The following KCNT1 variants were observed in gnomAD, a reference collection of about 807,000 sequenced individuals.
KCNT1 encodes potassium channel subfamily T member 1.
KCNT1 carries 78 observed loss-of-function variants against 147.8 expected under a neutral mutation model. That is an observed-to-expected ratio of 0.53 (90% confidence interval 0.44 to 0.64). The LOEUF is 0.64. Among genes scored for constraint, KCNT1 ranks in the 30% least tolerant of loss-of-function variants. The probability of loss-of-function intolerance (pLI) is 0.00; values close to 1 mark genes in which losing one functional copy is unlikely to be tolerated. For synonymous variants in KCNT1, 867 were observed against 748.8 expected (o/e 1.16, Z -2.58); for missense variants, 1,419 against 1,750.3 (o/e 0.81, Z 3.38).
chr9:135,780,414 G>C (rs754862898), intron 24 of KCNT1, among the ~76,000 whole-genome samples: 27 of 152,200 alleles, frequency 1.8e-4, no homozygotes, highest in Admixed American at 3.9e-4. Context: ...GGACACACAC[G>C]GGCACTCCCT....
At chr9:135,762,643 G>A (rs765407499) in intron 11 of KCNT1, among the ~76,000 whole-genome samples, 5 of 152,154 alleles carry the variant, frequency 3.3e-5, no homozygotes, top group East Asian at 1.9e-4. Context: ...CCAGCTCCTC[G>A]GGAGGCTGAG....
At chr9:135,747,359 G>C (rs943357689) in intron 2 of KCNT1, among the ~76,000 whole-genome samples, 29 of 152,064 alleles carry the variant, frequency 1.9e-4, no homozygotes, top group African/African-American at 7.0e-4. Context: ...GGGGAGGGTG[G>C]GTTCCTAAGC....
intron 15 of KCNT1, among the ~76,000 whole-genome samples, chr9:135,769,216 AGGGCACGT>A (rs1225790413): frequency 1.6e-5 from 2 of 122,264 alleles, no homozygotes; most frequent in South Asian, 2.8e-4. Context: ...CATCTGGGGC[AGGGCACGT>A]GTGCACGTGT....
intron 2 of KCNT1, among the ~76,000 whole-genome samples, chr9:135,727,050 TCC>T (rs1836204062): frequency 4.3e-5 from 1 of 23,450 alleles, no homozygotes; most frequent in Non-Finnish European, 8.7e-5. Context: ...TCTCTCTCTC[TCC>T]CTCTCTCCCT....
chr9:135,768,240 C>CGGGGGGGG (rs751932639), intron 13 of KCNT1, among the ~76,000 whole-genome samples: 1 of 5,080 alleles, frequency 2.0e-4, no homozygotes, highest in Non-Finnish European at 3.0e-4. Context: ...AGGATGCCTG[C>CGGGGGGGG]GGGGGGGGGG....
At chr9:135,702,920 T>G in intron 1 of KCNT1, 1 of 154,160 alleles carries the variant, frequency 6.5e-6, no homozygotes, top group African/African-American at 2.4e-5. Flanking sequence ...TCACTCCTCG[T>G]TCCCCGCTGG....
intron 7 of KCNT1, 36 bp downstream of exon 7, chr9:135,756,968 T>TGGGCC: frequency 3.5e-6 from 3 of 852,546 alleles, no homozygotes; most frequent in Non-Finnish European, 4.8e-6. Flanking sequence ...TCACAGGGGG[T>TGGGCC]CCCCACCCTC....
chr9:135,781,367 C>T (rs1006971848), intron 24 of KCNT1, among the ~76,000 whole-genome samples: 1 of 152,132 alleles, frequency 6.6e-6, no homozygotes, highest in Non-Finnish European at 1.5e-5. Flanking sequence ...GTGCCGTGGA[C>T]CACCTGACCC....
intron 2 of KCNT1, among the ~76,000 whole-genome samples, chr9:135,735,575 G>A (rs774112653): frequency 2.0e-5 from 3 of 152,196 alleles, no homozygotes; most frequent in Non-Finnish European, 4.4e-5. Flanking sequence ...GCCGGCTCCG[G>A]GAGGGCTTCT....
At chr9:135,726,952 CCATT>C (rs1207445487) in intron 2 of KCNT1, among the ~76,000 whole-genome samples, 46 of 2,538 alleles carry the variant, frequency 0.018, no homozygotes, top group South Asian at 0.026. Flanking sequence ...CCTCTCTTTC[CCATT>C]CTCCCTCTCC....
intron 1 of KCNT1, among the ~76,000 whole-genome samples, chr9:135,707,669 G>A (rs979837325): frequency 3.9e-5 from 6 of 152,114 alleles, no homozygotes; most frequent in African/African-American, 7.2e-5. Flanking sequence ...AGAAGGGCTC[G>A]CCTGGCGTCT....
chr9:135,770,612 G>A (rs1354562658), intron 17 of KCNT1, among the ~76,000 whole-genome samples, 165 bp downstream of exon 17: 1 of 152,182 alleles, frequency 6.6e-6, no homozygotes, highest in Non-Finnish European at 1.5e-5. Flanking sequence ...GCAGGACTGG[G>A]CTCCGGGTCC....
intron 1 of KCNT1, among the ~76,000 whole-genome samples, chr9:135,704,362 C>T (rs893291864): frequency 2.6e-5 from 4 of 152,232 alleles, no homozygotes; most frequent in East Asian, 1.9e-4. Context: ...CCCAGCTCCA[C>T]GCTAGTGGTG....
intron 2 of KCNT1, among the ~76,000 whole-genome samples, chr9:135,722,289 C>T (rs980723640): frequency 6.6e-6 from 1 of 152,196 alleles, no homozygotes; most frequent in Non-Finnish European, 1.5e-5. Context: ...TCCCCCGTCC[C>T]ACCCCTGGGG....
chr9:135,735,164 G>A (rs1830284045), intron 2 of KCNT1, among the ~76,000 whole-genome samples: 1 of 152,248 alleles, frequency 6.6e-6, no homozygotes, highest in Non-Finnish European at 1.5e-5. Context: ...AGCCACGACA[G>A]GCAGCCAGGG....
Position 135,774,663 on chromosome 9 carries a change from G to A in KCNT1, c.2244-647G>A, listed in dbSNP as rs568879154. On this transcript the variant is annotated intron_variant, in intron 19 of 30. Transcript: ENST00000371757. Reference sequence around the variant, plus strand: ...GTGTGTCTGGGTGTGTGGTGTGTATGTTATGTGTCCGTGCACGTGGTGCAC... The same window carrying A: ...GTGTGTCTGGGTGTGTGGTGTGTATATTATGTGTCCGTGCACGTGGTGCAC... 7.3e-5 allele frequency among the ~76,000 whole-genome samples: 11 copies of A among 150,622 alleles called. No individual in the cohort carries two copies. In the East Asian group the frequency reaches 2.1e-3, roughly 29 times the overall value.
Position 135,770,280 on chromosome 9 carries a change from C to T in KCNT1, c.1620-18C>T, listed in dbSNP as rs767255829. 1 of 1,576,754 alleles carries T rather than the reference C, an allele frequency of 6.3e-7. No homozygotes were observed. The highest frequency in any genetic ancestry group is 8.6e-7 in the Non-Finnish European group (1 of 1,159,530). On this transcript the variant is annotated intron_variant, in intron 16 of 30. Transcript: ENST00000371757. ...ATGGCCGAGGGTGACGCTCCCCTGG[C>T]CCCGCCCTGGCCCACAGGGAGGGAC...
At chr9:135,784,507 C>CTCCCTCCCTCCG in intron 25 of KCNT1, 28 bp from the exon 26 acceptor site, 1 of 519,716 alleles carries the variant, frequency 1.9e-6, no homozygotes, top group Non-Finnish European at 3.5e-6. Context: ...CCCTCCCTCC[C>CTCCCTCCCTCCG]TCCCTCCCTC....
intron 1 of KCNT1, among the ~76,000 whole-genome samples, chr9:135,708,273 T>C (rs1365969850): frequency 6.6e-6 from 1 of 152,234 alleles, no homozygotes; most frequent in Non-Finnish European, 1.5e-5. Context: ...CATGTACATG[T>C]ATGCATACAT....
Sources: allele counts gnomAD v4.1 joint callset (sites outside exome capture counted in the v4.1 genomes callset), GRCh38; gene constraint gnomAD v4.1.1; transcripts MANE v1.5; gene names NCBI Gene and HGNC (gene_info 2026-07-23, HGNC 2026-07-21).